PDXK: variants seen among roughly 807,000 people sequenced by gnomAD.
PDXK encodes epididymis secretory sperm binding protein Li 1a.
PDXK carries 15 observed loss-of-function variants against 43.2 expected under a neutral mutation model. The observed-to-expected ratio is 0.35, with a 90% CI of 0.23 to 0.53. PDXK has a LOEUF of 0.53. Among genes scored for constraint, PDXK ranks in the 20% least tolerant of loss-of-function variants. The pLI is 0.92. For missense variants in PDXK, 343 were observed against 417.0 expected (o/e 0.82, Z 1.54); for synonymous variants, 172 against 165.4 (o/e 1.04, Z -0.31).
At chr21:43,755,495 C>G in intron 9 of PDXK, 1 of 592,230 alleles carries the variant, frequency 1.7e-6, no homozygotes, top group Non-Finnish European at 3.0e-6. Flanking sequence ...GACCGGGCAT[C>G]TGCTCAGCCC....
At chr21:43,751,334 A>T (rs1171098195) in intron 7 of PDXK, among the ~76,000 whole-genome samples, 5 of 152,174 alleles carry the variant, frequency 3.3e-5, no homozygotes, top group Admixed American at 2.0e-4. Flanking sequence ...AGATCACTTG[A>T]GGTCAGGAGT....
In PDXK at chr21:43,754,452, C is replaced by T. The variant is rs1217534013; in HGVS notation, c.759+733C>T. ...CTCAGATCCGTGACCTCCCGTGCTGCATGCAGCAGAGTTGCTTGTGGCCTC... is the reference window on the plus strand; with the variant it reads ...CTCAGATCCGTGACCTCCCGTGCTGTATGCAGCAGAGTTGCTTGTGGCCTC... On this transcript the variant is annotated intron_variant, in intron 9 of 10. Transcript: ENST00000291565. This position sits in a 1 kb window ranked among gnomAD's most constrained non-coding sequence, Gnocchi z 5.5. 2.6e-5 allele frequency among the ~76,000 whole-genome samples: 4 copies of T among 152,144 alleles called. No homozygotes were observed. The East Asian group carries it at 7.7e-4, about 29-fold the overall frequency.
rs1568983662 is a variant in PDXK, at chr21:43,741,465, G to GGGGGGCTCGCA, written c.143-193_143-192insCAGGGGGCTCG. ...GCGGGGGGGCTCGCGGGGGGCTCGC[G>GGGGGGCTCGCA]GGGGGCTCGAGGCGTCCCATGTGGG... On this transcript the variant is annotated intron_variant, in intron 2 of 10. Transcript: ENST00000291565. 18 of 1,089,108 alleles carry GGGGGGCTCGCA rather than the reference G, an allele frequency of 1.7e-5. 3 individuals carry two copies. In the African/African-American group the frequency reaches 5.5e-4, roughly 33 times the overall value. The allele number at this position is 1,089,108 out of a possible 1,614,324, so 67.5% of individuals were successfully genotyped here.
chr21:43,724,160 G>A (rs921041123), intron 1 of PDXK, among the ~76,000 whole-genome samples: 1 of 152,184 alleles, frequency 6.6e-6, no homozygotes, highest in African/African-American at 2.4e-5. Flanking sequence ...GCAGACCTGA[G>A]ACACCTGAGG....
rs1474962678 is a variant in PDXK at position 43,719,215 on chromosome 21, C to CCCGAG, written c.-71_-67dup. On this transcript the variant is annotated 5_prime_UTR_variant, in exon 1 of 11. Transcript: ENST00000291565. ...AGGGGAGCCGGGGCCGGAGCCCGAGCCCGAGCCGAGCCGGAGCCCGAGCGA... is the reference window on the plus strand; with the variant it reads ...AGGGGAGCCGGGGCCGGAGCCCGAGCCCGAGCCGAGCCGAGCCGGAGCCCGAGCGA... 356 of 784,768 alleles carry CCCGAG rather than the reference C, an allele frequency of 4.5e-4. 1 individual carries two copies. The Middle Eastern group carries it at 8.4e-3, about 19-fold the overall frequency. 48.6% of individuals were successfully genotyped at this position (784,768 alleles called of 1,614,324 possible).
rs527362783 is a variant in PDXK, at chr21:43,719,132, A to G, written c.-163A>G. 0.011 allele frequency: 3,252 copies of G among 297,490 alleles called. 93 individuals carry two copies. Among genetic ancestry groups the G allele is most frequent in the African/African-American group, 0.065 (2,922 of 44,862 alleles). The allele number at this position is 297,490 out of a possible 1,614,324, so 18.4% of individuals were successfully genotyped here. On this transcript the variant is annotated 5_prime_UTR_variant, in exon 1 of 11. Coordinates refer to ENST00000291565, the MANE Select transcript of PDXK (RefSeq NM_003681.5). ...GGGTTCGGAGCCGCCCGCTGAGGTCAGAAGGAGGCGTCTGCGCTGATCGGG... is the reference window on the plus strand; with the variant it reads ...GGGTTCGGAGCCGCCCGCTGAGGTCGGAAGGAGGCGTCTGCGCTGATCGGG...
rs541664873 is a variant in PDXK at position 43,755,961 on chromosome 21, G to T, written c.837G>T (p.Gly279=). The change falls in exon 11 of 11, where the codon GGG becomes GGT. Residue 279 remains glycine (G), a synonymous_variant. Coordinates refer to ENST00000291565, the MANE Select transcript of PDXK (RefSeq NM_003681.5). Reference sequence around the variant, plus strand: ...CTGCCTGCCCCGCAGCCCAGGCCGGGGAAGGAGTGAGGCCCAGCCCCATGC... The same window carrying T: ...CTGCCTGCCCCGCAGCCCAGGCCGGTGAAGGAGTGAGGCCCAGCCCCATGC... ...RTIQCAKAQA[G]EGVRPSPMQL... 3.0e-5 allele frequency: 49 copies of T among 1,610,388 alleles called. No individual in the cohort carries two copies. In the East Asian group the frequency reaches 1.1e-3, roughly 36 times the overall value.
intron 5 of PDXK, among the ~76,000 whole-genome samples, chr21:43,746,808 T>C (rs1359960943): frequency 6.6e-6 from 1 of 152,256 alleles, no homozygotes; most frequent in Non-Finnish European, 1.5e-5. Flanking sequence ...TGTCATTCTT[T>C]TTTTGGCTTT....
Position 43,754,827 on chromosome 21 carries a change from C to T in PDXK, c.760-871C>T, listed in dbSNP as rs1019233812. On this transcript the variant is annotated intron_variant, in intron 9 of 10. Coordinates refer to ENST00000291565, the MANE Select transcript of PDXK (RefSeq NM_003681.5). The surrounding 1 kb of genome is among the most constrained non-coding windows in gnomAD (Gnocchi z 5.5). Reference sequence around the variant, plus strand: ...GCCGCTTAAGGGGCCACGTGTCCCCCGGGGTACACCTCCTCCCCAACAAGT... The same window carrying T: ...GCCGCTTAAGGGGCCACGTGTCCCCTGGGGTACACCTCCTCCCCAACAAGT... Among the ~76,000 whole-genome samples the T allele has an allele frequency of 5.3e-5, 8 of 152,124 alleles. No homozygotes were observed. Among genetic ancestry groups the T allele is most frequent in the South Asian group, 2.1e-4 (1 of 4,828 alleles).
intron 7 of PDXK, among the ~76,000 whole-genome samples, 154 bp downstream of exon 7, chr21:43,750,699 A>ATG (rs1026372406): frequency 6.6e-6 from 1 of 151,970 alleles, no homozygotes; most frequent in Non-Finnish European, 1.5e-5. Context: ...AGCAGGATAT[A>ATG]TGTGTGTGTG....
chr21:43,756,001 A>G lies in PDXK; in HGVS notation c.877A>G (p.Met293Val), dbSNP rs949665262. The G allele has an allele frequency of 1.2e-6, 2 of 1,613,392 alleles. No homozygotes were observed. The highest frequency in any genetic ancestry group is 8.5e-7 in the Non-Finnish European group (1 of 1,179,718). Residue 293 changes from methionine to valine, a missense_variant, in exon 11 of 11, where the codon ATG (methionine) becomes GTG (valine). Physicochemically the swap from Met to Val is conservative, Grantham distance 21. Transcript: ENST00000291565. ...RPSPMQLELR[M>V]VQSKRDIEDP... ...CAGCCCCATGCAGCTGGAGCTGCGG[A>G]TGGTGCAGAGCAAAAGGGACATCGA...
intron 9 of PDXK, 30 bp from the exon 10 acceptor site, chr21:43,755,668 A>T (rs780053903): frequency 1.3e-6 from 2 of 1,587,720 alleles, no homozygotes; most frequent in Admixed American, 1.7e-5. Flanking sequence ...TGAGTGGGCC[A>T]GGGGCACAGC....
At position 43,761,488 on chromosome 21, in the gene PDXK, C is replaced by A. The variant is rs940037265; in HGVS notation, c.*5425C>A. 4 of 156,108 alleles carry A rather than the reference C, an allele frequency of 2.6e-5. No homozygotes were observed. Among genetic ancestry groups the A allele is most frequent in the Non-Finnish European group, 5.8e-5 (4 of 69,550 alleles). The allele number at this position is 156,108 out of a possible 1,614,324, so 9.7% of individuals were successfully genotyped here. On this transcript the variant is annotated 3_prime_UTR_variant, in exon 11 of 11. Coordinates refer to ENST00000291565, the MANE Select transcript of PDXK (RefSeq NM_003681.5). ...CCGTCCTAAGCTTCTGCTTGGGGAT[C>A]CCCCACACGACCTGGGTACTGCCTG...
In PDXK at chr21:43,732,203, A is replaced by C; in HGVS notation, c.88-1866A>C. Reference sequence around the variant, plus strand: ...GGGAGGGAGCCACTGCTGTACAGAGATGCCAATTCCAGAGGCATGGTCCGG... The same window carrying C: ...GGGAGGGAGCCACTGCTGTACAGAGCTGCCAATTCCAGAGGCATGGTCCGG... On this transcript the variant is annotated intron_variant, in intron 1 of 10. Coordinates refer to ENST00000291565, the MANE Select transcript of PDXK (RefSeq NM_003681.5). This position sits in a 1 kb window ranked among gnomAD's most constrained non-coding sequence, Gnocchi z 4.1. 1 of 1,436,800 alleles carries C rather than the reference A, an allele frequency of 7.0e-7. No individual in the cohort carries two copies. Among genetic ancestry groups the C allele is most frequent in the Non-Finnish European group, 9.1e-7 (1 of 1,100,938 alleles). 89.0% of individuals were successfully genotyped at this position (1,436,800 alleles called of 1,614,324 possible). A position where few individuals can be genotyped will look rare whatever the true frequency, so the allele number is the denominator to read the frequency against.
intron 1 of PDXK, among the ~76,000 whole-genome samples, chr21:43,724,552 AT>A (rs367871651): frequency 6.6e-6 from 1 of 152,044 alleles, no homozygotes; most frequent in African/African-American, 2.4e-5. Flanking sequence ...ATATTTAAGC[AT>A]CCCCAAGCCC....
intron 2 of PDXK, among the ~76,000 whole-genome samples, chr21:43,740,053 G>C (rs112642322): frequency 6.3e-4 from 95 of 150,966 alleles, no homozygotes; most frequent in African/African-American, 2.1e-3. Context: ...TCAGGGGCTT[G>C]GTCTCTGGCA....
chr21:43,758,814 C>G lies in PDXK; in HGVS notation c.*2751C>G, dbSNP rs959721023. The G allele has an allele frequency of 2.0e-5, 3 of 152,220 alleles. No homozygotes were observed. The highest frequency in any genetic ancestry group is 4.4e-5 in the Non-Finnish European group (3 of 68,044). 9.4% of individuals were successfully genotyped at this position (152,220 alleles called of 1,614,324 possible). A position where few individuals can be genotyped will look rare whatever the true frequency, so the allele number is the denominator to read the frequency against. On this transcript the variant is annotated 3_prime_UTR_variant, in exon 11 of 11. Transcript: ENST00000291565. ...TTTCTTAATCCAGTTTTTCAAACTTCTCCCTGTAGACCGTAAGGATGAATT... is the reference window on the plus strand; with the variant it reads ...TTTCTTAATCCAGTTTTTCAAACTTGTCCCTGTAGACCGTAAGGATGAATT...
At chr21:43,741,537 G>A (rs1399442509) in intron 2 of PDXK, 130 bp from the exon 3 acceptor site, 5 of 1,502,040 alleles carry the variant, frequency 3.3e-6, no homozygotes, top group Non-Finnish European at 4.4e-6. Context: ...TCTCCTTCGG[G>A]TTTGAGCCAG....
rs994899280 is a variant in PDXK, at chr21:43,761,257, C to T, written c.*5194C>T. 2 of 152,286 alleles carry T rather than the reference C, an allele frequency of 1.3e-5. No individual in the cohort carries two copies. The highest frequency in any genetic ancestry group is 2.9e-5 in the Non-Finnish European group (2 of 68,080). The allele number at this position is 152,286 out of a possible 1,614,324, so 9.4% of individuals were successfully genotyped here. A position where few individuals can be genotyped will look rare whatever the true frequency, so the allele number is the denominator to read the frequency against. Reference sequence around the variant, plus strand: ...GAACAGCACCCCCAAATGCCAGCCTCTCCTTTCTTCCCATCCACCAGTATA... The same window carrying T: ...GAACAGCACCCCCAAATGCCAGCCTTTCCTTTCTTCCCATCCACCAGTATA... On this transcript the variant is annotated 3_prime_UTR_variant, in exon 11 of 11. Transcript: ENST00000291565.
Sources: gnomAD v4.1 joint callset for allele counts (sites outside exome capture counted in the v4.1 genomes callset) on GRCh38, gnomAD v4.1.1 for gene constraint, Gnocchi (gnomAD v3.1) non-coding constraint, MANE v1.5 for transcripts, NCBI Gene and HGNC (gene_info 2026-07-23, HGNC 2026-07-21) for gene names.